MAGI2: variants seen among roughly 807,000 people sequenced by gnomAD.
MAGI2 encodes the protein membrane associated guanylate kinase, WW and PDZ domain containing 2.
MAGI2 carries 35 observed loss-of-function variants against 133.3 expected under a neutral mutation model. That is an observed-to-expected ratio of 0.26 (90% CI 0.20 to 0.35). The LOEUF (loss-of-function observed/expected upper bound fraction) is 0.35, where lower values mean the gene tolerates loss of function less well. Ranked by LOEUF, MAGI2 falls within the 10% of genes least tolerant of loss-of-function variation. MAGI2 has a pLI of 1.00. For synonymous variants in MAGI2, 729 were observed against 710.6 expected, an observed-to-expected ratio of 1.03 and a Z score of -0.41; for missense variants, 1,636 against 1,863.4, an observed-to-expected ratio of 0.88 and a Z score of 2.25.
At chr7:78,391,436 C>T (rs1795891794) in intron 6 of MAGI2, among the ~76,000 whole-genome samples, 1 of 152,164 alleles carries the variant, frequency 6.6e-6, no homozygotes, top group Non-Finnish European at 1.5e-5. Context: ...AAGCCTATTT[C>T]ATTTTATTTG....
At chr7:79,015,188 C>G (rs2116625080) in intron 1 of MAGI2, among the ~76,000 whole-genome samples, 1 of 152,164 alleles carries the variant, frequency 6.6e-6, no homozygotes, top group East Asian at 1.9e-4. Context: ...CATACGGTGG[C>G]TCATGCTTGT....
At chr7:78,547,476 G>A (rs774872816) in intron 3 of MAGI2, among the ~76,000 whole-genome samples, 9 of 152,188 alleles carry the variant, frequency 5.9e-5, no homozygotes, top group Non-Finnish European at 8.8e-5. Flanking sequence ...TTTATAAATG[G>A]TTATTTGACA....
chr7:78,501,359 G>A lies in MAGI2; in HGVS notation c.965+218C>T, dbSNP rs10249629. 0.35 allele frequency among the ~76,000 whole-genome samples: 53,454 copies of A among 151,816 alleles called. 9,834 individuals are homozygous for A. The highest frequency in any genetic ancestry group is 0.49 in the South Asian group (2,365 of 4,812). ...TTAGTCATAATTATAAGAGATTGTAGGGTGCTATTATTTAATCCATTATTT... is the reference window on the plus strand; with the variant it reads ...TTAGTCATAATTATAAGAGATTGTAAGGTGCTATTATTTAATCCATTATTT... On this transcript the variant is annotated intron_variant, in intron 5 of 21. Transcript: ENST00000354212.
At chr7:78,858,857 AT>A (rs1793895394) in intron 2 of MAGI2, among the ~76,000 whole-genome samples, 2 of 152,006 alleles carry the variant, frequency 1.3e-5, no homozygotes, top group Admixed American at 1.3e-4. Flanking sequence ...TCCCATTATT[AT>A]TGTGTGGGAG....
chr7:78,505,585 A>ACTTT (rs1795011654), intron 4 of MAGI2, among the ~76,000 whole-genome samples: 1 of 152,226 alleles, frequency 6.6e-6, no homozygotes, highest in Non-Finnish European at 1.5e-5. Context: ...TCATGCTCTG[A>ACTTT]ACATGTTCAG....
chr7:78,506,700 G>T (rs112992645), intron 4 of MAGI2, among the ~76,000 whole-genome samples: 1 of 152,242 alleles, frequency 6.6e-6, no homozygotes, highest in African/African-American at 2.4e-5. Flanking sequence ...CTGTAGAACC[G>T]AATGATGTGC....
intron 6 of MAGI2, among the ~76,000 whole-genome samples, chr7:78,385,222 T>C (rs1795271538): frequency 6.6e-6 from 1 of 152,170 alleles, no homozygotes; most frequent in Non-Finnish European, 1.5e-5. Flanking sequence ...AAAGTACTGA[T>C]TGTCAACGTG....
At chr7:79,230,510 T>C (rs1457969265) in intron 1 of MAGI2, among the ~76,000 whole-genome samples, 2 of 151,868 alleles carry the variant, frequency 1.3e-5, no homozygotes, top group African/African-American at 4.8e-5. Context: ...GGTATCTCAT[T>C]GTGGTTTTGA....
At chr7:78,902,748 T>A (rs571673979) in intron 2 of MAGI2, 1 of 152,280 alleles carries the variant, frequency 6.6e-6, no homozygotes, top group South Asian at 2.1e-4. Flanking sequence ...TTAATATCCT[T>A]TAGTTAATGA....
chr7:79,107,164 A>T (rs1253351461), intron 1 of MAGI2, among the ~76,000 whole-genome samples: 1 of 152,184 alleles, frequency 6.6e-6, no homozygotes, highest in Admixed American at 6.5e-5. Flanking sequence ...CCACATGAAT[A>T]AGTGGAGAGC....
intron 2 of MAGI2, among the ~76,000 whole-genome samples, chr7:78,701,821 T>C (rs940021739): frequency 2.0e-5 from 3 of 152,000 alleles, no homozygotes; most frequent in African/African-American, 7.2e-5. Flanking sequence ...CGTTTTCACT[T>C]TTCCTTAAAC....
intron 7 of MAGI2, among the ~76,000 whole-genome samples, chr7:78,356,699 C>T (rs1792119432): frequency 6.6e-6 from 1 of 152,176 alleles, no homozygotes; most frequent in Non-Finnish European, 1.5e-5. Flanking sequence ...GGGAACTCTT[C>T]CCAAACACCC....
At chr7:78,470,407 AT>A (rs2150421436) in intron 6 of MAGI2, among the ~76,000 whole-genome samples, 1 of 152,272 alleles carries the variant, frequency 6.6e-6, no homozygotes, top group African/African-American at 2.4e-5. Context: ...TGGTTGGAAC[AT>A]TTTAATATGA....
chr7:79,006,580 T>C (rs1807469966), intron 2 of MAGI2: 2 of 152,284 alleles, frequency 1.3e-5, no homozygotes. Context: ...ACATGCTTTC[T>C]AAGCATCATT....
At chr7:78,661,445 C>T (rs887808666) in intron 2 of MAGI2, among the ~76,000 whole-genome samples, 5 of 152,192 alleles carry the variant, frequency 3.3e-5, no homozygotes, top group Non-Finnish European at 7.4e-5. Flanking sequence ...CCATAGAAGT[C>T]AGCAGCTCTT....
At chr7:78,473,515 T>C (rs553001406) in intron 6 of MAGI2, among the ~76,000 whole-genome samples, 1 of 152,012 alleles carries the variant, frequency 6.6e-6, no homozygotes, top group African/African-American at 2.4e-5. Flanking sequence ...TCCAAGTAAA[T>C]CCACATGTAA....
intron 1 of MAGI2, among the ~76,000 whole-genome samples, chr7:79,323,800 G>C (rs1420484187): frequency 6.6e-6 from 1 of 152,114 alleles, no homozygotes; most frequent in Non-Finnish European, 1.5e-5. Context: ...CAGCTCAAAG[G>C]TGTATATGGG....
In MAGI2 at chr7:78,673,388, G is replaced by T. The variant is rs373714387; in HGVS notation, c.419-46149C>A. 3.9e-5 allele frequency among the ~76,000 whole-genome samples: 6 copies of T among 151,980 alleles called. No individual in the cohort carries two copies. In the East Asian group the frequency reaches 1.2e-3, roughly 30 times the overall value. ...AATTATGAAGGTTGAGAGGTCTCAA[G>T]ATCTGCAGTCAGCAAGCTTGAGACC... is the stretch of plus-strand genomic sequence containing the variant. On this transcript the variant is annotated intron_variant, in intron 2 of 21. Coordinates refer to ENST00000354212, the MANE Select transcript of MAGI2 (RefSeq NM_012301.4).
chr7:79,258,193 T>C (rs1390860452), intron 1 of MAGI2, among the ~76,000 whole-genome samples: 1 of 152,178 alleles, frequency 6.6e-6, no homozygotes, highest in African/African-American at 2.4e-5. Flanking sequence ...CTCAGAGAGC[T>C]CCTCCTCTGA....
Sources: gnomAD v4.1 joint callset for allele counts (sites outside exome capture counted in the v4.1 genomes callset) on GRCh38, gnomAD v4.1.1 for gene constraint, MANE v1.5 for transcripts, NCBI Gene and HGNC (gene_info 2026-07-23, HGNC 2026-07-21) for gene names.